RAMP1: variants seen among roughly 807,000 people sequenced by gnomAD.
RAMP1 encodes receptor activity modifying protein 1, also known as receptor activity-modifying protein 1.
RAMP1 carries 7 observed loss-of-function variants against 8.2 expected under a neutral mutation model. The observed-to-expected ratio is 0.85, with a 90% CI of 0.49 to 1.60. RAMP1 has a LOEUF of 1.60. Ranked by LOEUF, RAMP1 falls within the 40% of genes most tolerant of loss-of-function variation. The pLI is 0.00. For synonymous variants in RAMP1, 92 were observed against 84.7 expected, an observed-to-expected ratio of 1.09 and a Z score of -0.47; for missense variants, 192 against 202.4, an observed-to-expected ratio of 0.95 and a Z score of 0.31.
rs771545064 is a variant in RAMP1, at chr2:237,911,724, A to T, written c.388A>T (p.Thr130Ser). ...YPFIVVPITVTLLVTALVVWQ... is the reference protein window; with the variant it reads ...YPFIVVPITVSLLVTALVVWQ... Reference sequence around the variant, plus strand: ...CTTCATCGTGGTCCCCATCACGGTGACCCTGCTGGTGACGGCACTGGTGGT... The same window carrying T: ...CTTCATCGTGGTCCCCATCACGGTGTCCCTGCTGGTGACGGCACTGGTGGT... The change falls in exon 3 of 3, where the codon ACC (threonine) becomes TCC (serine). Residue 130 changes from threonine (T) to serine (S), a missense_variant. Thr to Ser is a moderately conservative substitution (Grantham distance 58). Coordinates refer to ENST00000254661, the MANE Select transcript of RAMP1 (RefSeq NM_005855.4). 3 of 1,613,466 alleles carry T rather than the reference A, an allele frequency of 1.9e-6. No homozygotes were observed. In the Admixed American group the frequency reaches 5.0e-5, roughly 27 times the overall value.
In RAMP1 at chr2:237,862,510, G is replaced by C. The variant is rs1238788784; in HGVS notation, c.52+2783G>C. 6.6e-6 allele frequency among the ~76,000 whole-genome samples: 1 copy of C among 152,216 alleles called. No individual in the cohort carries two copies. The highest frequency in any genetic ancestry group is 1.9e-4 in the East Asian group (1 of 5,202). On this transcript the variant is annotated intron_variant, in intron 1 of 2. Coordinates refer to ENST00000254661, the MANE Select transcript of RAMP1 (RefSeq NM_005855.4). This position sits in a 1 kb window ranked among gnomAD's most constrained non-coding sequence, Gnocchi z 4.0. ...GTTTTAGGTGGAATCTTTAGTTAAG[G>C]CTAGTTGGAAAAGTCTGTCCTGATT...
intron 1 of RAMP1, among the ~76,000 whole-genome samples, chr2:237,866,708 A>C (rs903160342): frequency 9.2e-5 from 14 of 151,642 alleles, no homozygotes; most frequent in African/African-American, 3.4e-4. Flanking sequence ...TGTATGTTAC[A>C]TGTATGTATA....
intron 2 of RAMP1, among the ~76,000 whole-genome samples, chr2:237,902,133 G>C (rs991170399): frequency 6.6e-6 from 1 of 152,066 alleles, no homozygotes; most frequent in African/African-American, 2.4e-5. Context: ...GAGAGAAGGA[G>C]CACTTCGCGG....
chr2:237,911,260 T>C (rs2062709493), intron 2 of RAMP1, among the ~76,000 whole-genome samples: 1 of 152,232 alleles, frequency 6.6e-6, no homozygotes, highest in African/African-American at 2.4e-5. Flanking sequence ...GCCTGGCTTG[T>C]CCTCCTGGTG....
At chr2:237,875,216 C>A (rs2062289229) in intron 1 of RAMP1, among the ~76,000 whole-genome samples, 2 of 152,132 alleles carry the variant, frequency 1.3e-5, no homozygotes, top group South Asian at 4.1e-4. Flanking sequence ...CCCAAGGCTG[C>A]CCTGACTGGG....
intron 1 of RAMP1, among the ~76,000 whole-genome samples, chr2:237,872,342 C>T (rs1012575050): frequency 1.3e-5 from 2 of 152,248 alleles, no homozygotes; most frequent in African/African-American, 4.8e-5. Flanking sequence ...CATCCACTCT[C>T]CCAGGGCCCC....
intron 2 of RAMP1, among the ~76,000 whole-genome samples, chr2:237,881,578 G>A (rs907513738): frequency 6.6e-6 from 1 of 152,254 alleles, no homozygotes; most frequent in African/African-American, 2.4e-5. Context: ...CCCACCAACA[G>A]ACTGTGTTGT....
At chr2:237,894,127 G>A (rs963666422) in intron 2 of RAMP1, among the ~76,000 whole-genome samples, 1 of 151,604 alleles carries the variant, frequency 6.6e-6, no homozygotes, top group African/African-American at 2.4e-5. Context: ...ATGCCATGAT[G>A]CCCAGCTAAT....
Position 237,878,125 on chromosome 2 carries a change from G to A in RAMP1, c.191+763G>A. 1 of 985,456 alleles carries A rather than the reference G, an allele frequency of 1.0e-6. No homozygotes were observed. The highest frequency in any genetic ancestry group is 1.2e-6 in the Non-Finnish European group (1 of 829,930). The allele number at this position is 985,456 out of a possible 1,614,324, so 61.0% of individuals were successfully genotyped here. On this transcript the variant is annotated intron_variant, in intron 2 of 2. Transcript: ENST00000254661. This position sits in a 1 kb window ranked among gnomAD's most constrained non-coding sequence, Gnocchi z 5.7. ...CTGCAGTGGGTGAGTAGCGGGGTCA[G>A]CAGTGCATGCGTGGAGCTGAAGGCC... is the stretch of plus-strand genomic sequence containing the variant.
rs1046569844 is a variant in RAMP1 at position 237,862,720 on chromosome 2, G to A, written c.52+2993G>A. Reference sequence around the variant, plus strand: ...TGCCCCCACCCCCAACTCAGGCCTAGAACCCCTCTTTCCTGACGGTCTTTG... The same window carrying A: ...TGCCCCCACCCCCAACTCAGGCCTAAAACCCCTCTTTCCTGACGGTCTTTG... On this transcript the variant is annotated intron_variant, in intron 1 of 2. Coordinates refer to ENST00000254661, the MANE Select transcript of RAMP1 (RefSeq NM_005855.4). The surrounding 1 kb of genome is among the most constrained non-coding windows in gnomAD (Gnocchi z 4.0). 1.3e-5 allele frequency among the ~76,000 whole-genome samples: 2 copies of A among 152,158 alleles called. No individual in the cohort carries two copies. The highest frequency in any genetic ancestry group is 4.8e-5 in the African/African-American group (2 of 41,430).
chr2:237,866,047 T>A (rs1024046939), intron 1 of RAMP1, among the ~76,000 whole-genome samples: 1 of 152,154 alleles, frequency 6.6e-6, no homozygotes, highest in African/African-American at 2.4e-5. Flanking sequence ...TGGCTCAATA[T>A]TTGGGGGATT....
intron 2 of RAMP1, among the ~76,000 whole-genome samples, chr2:237,903,726 GCTCTGT>G (rs1272441850): frequency 1.3e-5 from 2 of 151,472 alleles, no homozygotes; most frequent in African/African-American, 4.9e-5. Flanking sequence ...ACAGAGTCTC[GCTCTGT>G]CACCCAGGCT....
At chr2:237,879,761 G>A (rs1166732389) in intron 2 of RAMP1, among the ~76,000 whole-genome samples, 1 of 148,522 alleles carries the variant, frequency 6.7e-6, no homozygotes, top group African/African-American at 2.5e-5. Context: ...AGGTCAAGGC[G>A]GGTGGATCAA....
At chr2:237,860,987 G>C (rs2062128179) in intron 1 of RAMP1, among the ~76,000 whole-genome samples, 1 of 152,174 alleles carries the variant, frequency 6.6e-6, no homozygotes, top group East Asian at 1.9e-4. Flanking sequence ...GCAGAATCTC[G>C]CAGTAATTTT....
intron 2 of RAMP1, among the ~76,000 whole-genome samples, chr2:237,888,281 C>T (rs1431797433): frequency 6.6e-6 from 1 of 152,182 alleles, no homozygotes; most frequent in Non-Finnish European, 1.5e-5. Flanking sequence ...TCTCAAACTC[C>T]TGATCTCAGG....
intron 2 of RAMP1, among the ~76,000 whole-genome samples, chr2:237,896,995 G>C (rs1018306171): frequency 1.3e-5 from 2 of 152,216 alleles, no homozygotes; most frequent in African/African-American, 4.8e-5. Context: ...AAATGTCCTG[G>C]GGGTGTGATG....
chr2:237,885,463 C>T (rs997167670), intron 2 of RAMP1, among the ~76,000 whole-genome samples: 15 of 152,272 alleles, frequency 9.9e-5, no homozygotes, highest in Non-Finnish European at 2.1e-4. Context: ...TGGCGGTGTC[C>T]GCCCTGGAAC....
chr2:237,908,141 C>A (rs1483957828), intron 2 of RAMP1, among the ~76,000 whole-genome samples: 3 of 152,254 alleles, frequency 2.0e-5, no homozygotes, highest in African/African-American at 7.2e-5. Flanking sequence ...TGGTGCCCCA[C>A]CCTCTGCTTT....
rs184691772 is a variant in RAMP1, at chr2:237,898,415, G to A, written c.192-13113G>A. ...TCTCTGACCAGCCTGATTTAGGAAG[G>A]GTTTGATAGTACAATATCCGTCTTT... On this transcript the variant is annotated intron_variant, in intron 2 of 2. Transcript: ENST00000254661. 1.6e-4 allele frequency among the ~76,000 whole-genome samples: 25 copies of A among 152,224 alleles called. No individual in the cohort carries two copies. In the East Asian group the frequency reaches 4.8e-3, roughly 29 times the overall value.
Sources: gnomAD v4.1 joint callset for allele counts (sites outside exome capture counted in the v4.1 genomes callset) on GRCh38, gnomAD v4.1.1 for gene constraint, Gnocchi (gnomAD v3.1) non-coding constraint, MANE v1.5 for transcripts, NCBI Gene and HGNC (gene_info 2026-07-23, HGNC 2026-07-21) for gene names.